CEP112: variants seen among roughly 807,000 people sequenced by gnomAD.
CEP112 encodes the protein centrosomal protein 112, also known as centrosomal protein of 112 kDa.
CEP112 carries 127 observed loss-of-function variants against 153.0 expected under a neutral mutation model. The observed-to-expected ratio is 0.83, with a 90% CI of 0.72 to 0.96. The LOEUF is 0.96. CEP112 is among the 40% of genes least tolerant of loss of function. The pLI, the probability that CEP112 is intolerant of heterozygous loss-of-function variation, is 0.00. For synonymous variants in CEP112, 358 were observed against 374.4 expected (o/e 0.96, Z 0.51); for missense variants, 1,089 against 1,101.2 (o/e 0.99, Z 0.16).
intron 21 of CEP112, chr17:65,804,263 TGAA>T (rs1246934154): frequency 6.6e-6 from 1 of 152,180 alleles, no homozygotes; most frequent in Non-Finnish European, 1.5e-5. Context: ...AAAATTTTTC[TGAA>T]TTATTAAAAT....
At chr17:65,660,217 C>CCTTCCTTCTTTCCT (rs2046278562) in intron 24 of CEP112, among the ~76,000 whole-genome samples, 1 of 36,970 alleles carries the variant, frequency 2.7e-5, no homozygotes, top group African/African-American at 1.8e-4. Flanking sequence ...CTTTCCTTCC[C>CCTTCCTTCTTTCCT]TCCCTCCCTC....
intron 24 of CEP112, among the ~76,000 whole-genome samples, chr17:65,650,730 TAAAAAAAAAAAAA>T (rs71361240): frequency 6.8e-5 from 3 of 44,240 alleles, no homozygotes; most frequent in Non-Finnish European, 1.2e-4. Flanking sequence ...AACTCTCTAC[TAAAAAAAAAAAAA>T]AAAAAAAAAA....
At chr17:65,809,646 G>A (rs2055828998) in intron 21 of CEP112, among the ~76,000 whole-genome samples, 2 of 152,162 alleles carry the variant, frequency 1.3e-5, no homozygotes, top group Admixed American at 1.3e-4. Context: ...GAATATTGGG[G>A]AAGAATTAAG....
Position 66,096,608 on chromosome 17 carries a change from G to A in CEP112, c.667C>T (p.Gln223Ter). The A allele has an allele frequency of 6.3e-7, 1 of 1,593,918 alleles. No homozygotes were observed. Among genetic ancestry groups the A allele is most frequent in the Middle Eastern group, 1.7e-4 (1 of 5,810 alleles). ...LGIENPRYLR[Q>*]KPIPVSLMTP... ...ACCAGAGAAACTGGGATAGGCTTCT[G>A]TCTCAGGTATCGAGGATTTTCTATC... Residue 223 changes from glutamine (Q) to a stop codon, truncating the protein, a stop_gained, in exon 7 of 27, where the codon CAG becomes TAG. Transcript: ENST00000535342. LOFTEE classifies it high-confidence loss of function.
At chr17:66,095,114 A>C (rs930517615) in intron 8 of CEP112, among the ~76,000 whole-genome samples, 10 of 152,178 alleles carry the variant, frequency 6.6e-5, no homozygotes, top group African/African-American at 2.2e-4. Context: ...TTAAAAATAG[A>C]ACTACTACAT....
intron 17 of CEP112, among the ~76,000 whole-genome samples, chr17:65,970,271 G>A (rs59058854): frequency 0.045 from 6,465 of 145,198 alleles, 249 homozygotes; most frequent in African/African-American, 0.093. Flanking sequence ...CATATTACAT[G>A]CATGTATGTA....
chr17:65,728,054 G>A (rs2050279228), intron 23 of CEP112, among the ~76,000 whole-genome samples: 1 of 152,206 alleles, frequency 6.6e-6, no homozygotes, highest in South Asian at 2.1e-4. Flanking sequence ...ACATAGCCAT[G>A]CCCATCTGTT....
chr17:65,877,627 C>T (rs1476304321), intron 20 of CEP112, among the ~76,000 whole-genome samples: 4 of 152,158 alleles, frequency 2.6e-5, no homozygotes. Context: ...AACTGAAGCT[C>T]TTAATAAGGT....
intron 17 of CEP112, among the ~76,000 whole-genome samples, chr17:65,963,735 C>T (rs954271744): frequency 6.6e-6 from 1 of 151,796 alleles, no homozygotes; most frequent in Non-Finnish European, 1.5e-5. Flanking sequence ...CCATCCCCAC[C>T]CCTGTATTTG....
chr17:65,734,505 T>A (rs188335939), intron 23 of CEP112, among the ~76,000 whole-genome samples: 8 of 152,312 alleles, frequency 5.3e-5, no homozygotes, highest in Admixed American at 5.2e-4. Flanking sequence ...TTTTACTCAT[T>A]AAAATAGTAA....
At chr17:65,861,997 T>C (rs1323133549) in intron 20 of CEP112, among the ~76,000 whole-genome samples, 2 of 152,210 alleles carry the variant, frequency 1.3e-5, no homozygotes, top group Non-Finnish European at 2.9e-5. Context: ...TGGAATATTA[T>C]ATACAGCAAA....
chr17:65,793,297 G>T (rs1164514693), intron 21 of CEP112, among the ~76,000 whole-genome samples: 1 of 152,068 alleles, frequency 6.6e-6, no homozygotes, highest in Non-Finnish European at 1.5e-5. Flanking sequence ...AGAACACATG[G>T]ACCCATGAGG....
At chr17:65,676,750 T>C (rs61454029) in intron 24 of CEP112, among the ~76,000 whole-genome samples, 3,741 of 152,318 alleles carry the variant, frequency 0.025, 104 homozygotes, top group African/African-American at 0.065. Context: ...TGATATACCA[T>C]CTCATTTACC....
intron 20 of CEP112, among the ~76,000 whole-genome samples, chr17:65,870,634 A>T (rs1051882308): frequency 3.3e-5 from 5 of 152,186 alleles, no homozygotes; most frequent in Non-Finnish European, 7.3e-5. Flanking sequence ...TATCCTGAAA[A>T]ATGCAGAAAA....
intron 20 of CEP112, among the ~76,000 whole-genome samples, chr17:65,887,488 T>C (rs1197600531): frequency 2.0e-5 from 3 of 152,196 alleles, no homozygotes; most frequent in African/African-American, 4.8e-5. Context: ...AGATTTTAAG[T>C]ACTGTCTCCA....
At chr17:65,989,935 A>T (rs1426031588) in intron 17 of CEP112, among the ~76,000 whole-genome samples, 1 of 152,186 alleles carries the variant, frequency 6.6e-6, no homozygotes, top group Non-Finnish European at 1.5e-5. Context: ...TTGAGATCTA[A>T]GATAAATTTT....
chr17:65,871,951 C>G (rs1252391085), intron 20 of CEP112, among the ~76,000 whole-genome samples: 1 of 152,206 alleles, frequency 6.6e-6, no homozygotes, highest in African/African-American at 2.4e-5. Flanking sequence ...ATGCAACAAT[C>G]AATTTACTAT....
At chr17:65,845,265 G>A (rs1222005829) in intron 21 of CEP112, among the ~76,000 whole-genome samples, 1 of 152,174 alleles carries the variant, frequency 6.6e-6, no homozygotes, top group Non-Finnish European at 1.5e-5. Flanking sequence ...GTTGTGGTGA[G>A]TCGAGATTGT....
intron 24 of CEP112, among the ~76,000 whole-genome samples, chr17:65,676,036 A>G (rs934590201): frequency 5.3e-5 from 8 of 152,186 alleles, no homozygotes; most frequent in Non-Finnish European, 1.2e-4. Flanking sequence ...AGAAAATGCA[A>G]TTTTTAAAAA....
Sources: allele counts gnomAD v4.1 joint callset (sites outside exome capture counted in the v4.1 genomes callset), GRCh38; gene constraint gnomAD v4.1.1; transcripts MANE v1.5; gene names NCBI Gene and HGNC (gene_info 2026-07-23, HGNC 2026-07-21).